Variants in ZFP82 observed in about 807,000 individuals in gnomAD.
ZFP82 encodes ZFP82 zinc finger protein.
A neutral mutation model predicts 54.0 loss-of-function variants in ZFP82; 30 were observed. The ratio of observed to expected loss-of-function variants is 0.56; its 90% CI spans 0.42 to 0.75. The LOEUF (loss-of-function observed/expected upper bound fraction) is 0.75, where lower values mean the gene tolerates loss of function less well. ZFP82 is among the 30% of genes least tolerant of loss of function. The probability of loss-of-function intolerance (pLI) is 0.00; values close to 1 mark genes in which losing one functional copy is unlikely to be tolerated. For missense variants in ZFP82, 500 were observed against 636.8 expected (o/e 0.79, Z 2.31); for synonymous variants, 194 against 209.5 (o/e 0.93, Z 0.64).
intron 4 of ZFP82, among the ~76,000 whole-genome samples, chr19:36,399,482 G>C (rs2032349041): frequency 6.6e-6 from 1 of 152,218 alleles, no homozygotes; most frequent in Non-Finnish European, 1.5e-5. Context: ...GGAGGCAACA[G>C]ACAAGAGGTT....
intron 4 of ZFP82, among the ~76,000 whole-genome samples, chr19:36,402,326 A>G (rs1050527452): frequency 7.2e-5 from 11 of 152,120 alleles, no homozygotes; most frequent in African/African-American, 2.4e-4. Flanking sequence ...AAAATTAGCC[A>G]GGCATGGTGG....
At position 36,393,985 on chromosome 19, in the gene ZFP82, T is replaced by C; in HGVS notation, c.355A>G (p.Asn119Asp). 1 of 1,613,586 alleles carries C rather than the reference T, an allele frequency of 6.2e-7. No homozygotes were observed. Among genetic ancestry groups the C allele is most frequent in the Non-Finnish European group, 8.5e-7 (1 of 1,179,816 alleles). The change falls in exon 5 of 5, where the codon AAT becomes GAT. Residue 119 changes from asparagine (N) to aspartate (D), a missense_variant. Asn to Asp is a conservative substitution (Grantham distance 23). Transcript: ENST00000392161. ...NHGLKGLILK[N>D]DWESTGKIEG... ...ATTTTTCCTGTGGATTCCCAATCAT[T>C]TTTTAAAATGAGACCCTTAAGGCCA...
At chr19:36,400,920 C>T (rs2032372886) in intron 4 of ZFP82, among the ~76,000 whole-genome samples, 1 of 152,172 alleles carries the variant, frequency 6.6e-6, no homozygotes, top group Non-Finnish European at 1.5e-5. Context: ...CATCCTGACT[C>T]CATTGAAAAT....
intron 4 of ZFP82, among the ~76,000 whole-genome samples, chr19:36,396,548 C>T (rs990887854): frequency 2.0e-5 from 3 of 151,868 alleles, no homozygotes; most frequent in African/African-American, 7.3e-5. Flanking sequence ...CCCAGCTACT[C>T]GGGAGGCTGA....
At chr19:36,412,448 A>G (rs1433245863) in intron 1 of ZFP82, among the ~76,000 whole-genome samples, 1 of 152,214 alleles carries the variant, frequency 6.6e-6, no homozygotes, top group East Asian at 1.9e-4. Flanking sequence ...AGCAGCTTCT[A>G]TGTTTTTACT....
At chr19:36,414,184 G>A (rs932079738) in intron 1 of ZFP82, among the ~76,000 whole-genome samples, 6 of 151,952 alleles carry the variant, frequency 3.9e-5, no homozygotes, top group African/African-American at 9.7e-5. Flanking sequence ...ACAGGCGTTA[G>A]CCACCACACT....
At chr19:36,407,866 C>T (rs375418084) in intron 3 of ZFP82, 21 bp downstream of exon 3, 2 of 1,610,708 alleles carry the variant, frequency 1.2e-6, no homozygotes, top group African/African-American at 1.3e-5. Context: ...AGTCTAAATT[C>T]CTAGAAGCAG....
At chr19:36,385,342 C>G (rs898991441), downstream of ZFP82, among the ~76,000 whole-genome samples, 7 of 152,124 alleles carry the variant, frequency 4.6e-5, no homozygotes, top group Non-Finnish European at 8.8e-5. Context: ...AACCATGAGT[C>G]AATAAATTTC....
chr19:36,409,941 C>CT, intron 1 of ZFP82, 74 bp from the exon 2 acceptor site: 1 of 732,496 alleles, frequency 1.4e-6, no homozygotes, highest in South Asian at 1.7e-5. Context: ...TTACTGTGAC[C>CT]TTTCCCCTCT....
At chr19:36,401,526 C>G (rs2032384498) in intron 4 of ZFP82, among the ~76,000 whole-genome samples, 1 of 152,172 alleles carries the variant, frequency 6.6e-6, no homozygotes, top group Non-Finnish European at 1.5e-5. Context: ...TTTGACAGCG[C>G]CTTCATACAC....
Position 36,409,629 on chromosome 19 carries a change from T to C in ZFP82, c.9+152A>G, listed in dbSNP as rs1343882669. On this transcript the variant is annotated intron_variant, in intron 2 of 4. Transcript: ENST00000392161. ...CAATGACTAGAATAAAGAGTGTTCA[T>C]AGGACAAGCATTGTGGTTCACCCGC... 3.3e-5 allele frequency: 25 copies of C among 750,292 alleles called. No individual in the cohort carries two copies. The East Asian group carries it at 5.7e-4, about 17-fold the overall frequency. 46.5% of individuals were successfully genotyped at this position (750,292 alleles called of 1,614,324 possible).
intron 3 of ZFP82, 29 bp from the exon 4 acceptor site, chr19:36,405,701 C>A: frequency 2.0e-6 from 3 of 1,496,432 alleles, no homozygotes; most frequent in Admixed American, 2.0e-5. Context: ...ATATAAGGTA[C>A]ATGAAAATAA....
At chr19:36,414,426 T>C in intron 1 of ZFP82, among the ~76,000 whole-genome samples, 1 of 148,234 alleles carries the variant, frequency 6.7e-6, no homozygotes, top group East Asian at 2.0e-4. Context: ...TGCAGTGGCA[T>C]GATCTCAGCT....
intron 4 of ZFP82, among the ~76,000 whole-genome samples, chr19:36,399,091 T>TA (rs1016734782): frequency 3.3e-5 from 5 of 152,032 alleles, no homozygotes; most frequent in African/African-American, 1.2e-4. Context: ...TAGCAGGATA[T>TA]AAAATAAAAA....
intron 1 of ZFP82, among the ~76,000 whole-genome samples, chr19:36,413,146 C>T (rs2032608003): frequency 1.3e-5 from 2 of 152,198 alleles, no homozygotes; most frequent in East Asian, 1.9e-4. Context: ...GGCATAGTGG[C>T]TCATGCCTGT....
rs928384933 is a variant in ZFP82, at chr19:36,390,420, C to T, written c.*2321G>A. On this transcript the variant is annotated 3_prime_UTR_variant, in exon 5 of 5. Coordinates refer to ENST00000392161, the MANE Select transcript of ZFP82 (RefSeq NM_133466.4). ...CCCAAATTGTGCATTTGGTTGTTTG[C>T]TTCTTTGTGTTGTTAATTTGTTCTT... is the stretch of plus-strand genomic sequence containing the variant. The T allele has an allele frequency of 7.3e-6, 1 of 137,098 alleles. No homozygotes were observed. Among genetic ancestry groups the T allele is most frequent in the Non-Finnish European group, 1.5e-5 (1 of 64,968 alleles). The allele number at this position is 137,098 out of a possible 1,614,324, so 8.5% of individuals were successfully genotyped here.
At position 36,393,111 on chromosome 19, in the gene ZFP82, A is replaced by G. The variant is rs755003099; in HGVS notation, c.1229T>C (p.Ile410Thr). ...WKAFSRYSQL[I>T]SHQSIHIGVK... Reference sequence around the variant, plus strand: ...ACCAATATGAATACTCTGATGTGAAATAAGTTGTGAGTAGCGACTAAAGGC... The same window carrying G: ...ACCAATATGAATACTCTGATGTGAAGTAAGTTGTGAGTAGCGACTAAAGGC... The change falls in exon 5 of 5, where the codon ATT becomes ACT. Residue 410 changes from isoleucine (I) to threonine (T), a missense_variant. Physicochemically the swap from Ile to Thr is moderately conservative, Grantham distance 89 (BLOSUM62 -1). Transcript: ENST00000392161. 2.5e-6 allele frequency: 4 copies of G among 1,610,230 alleles called. No homozygotes were observed. The highest frequency in any genetic ancestry group is 2.2e-5 in the East Asian group (1 of 44,644).
intron 3 of ZFP82, among the ~76,000 whole-genome samples, chr19:36,407,421 T>C (rs1020868026): frequency 1.3e-5 from 2 of 152,206 alleles, no homozygotes; most frequent in African/African-American, 2.4e-5. Context: ...CTGAATATGA[T>C]TGTTTATTAA....
rs150371532 is a variant in ZFP82 at position 36,405,676 on chromosome 19, C to T, written c.137-4G>A. The stretch of plus-strand genomic sequence containing the variant: ...TCTGGTTTAGAAATGAAGCATCCTG[C>T]TTAGAAGAAAAGGAATATAAGGTAC... On this transcript the variant is annotated splice_region_variant and splice_polypyrimidine_tract_variant and intron_variant, in intron 3 of 4. Coordinates refer to ENST00000392161, the MANE Select transcript of ZFP82 (RefSeq NM_133466.4). The T allele has an allele frequency of 0.019, 30,724 of 1,586,858 alleles. 516 individuals are homozygous for T. Among genetic ancestry groups the T allele is most frequent in the Middle Eastern group, 0.098 (578 of 5,880 alleles).
Sources: allele counts gnomAD v4.1 joint callset (sites outside exome capture counted in the v4.1 genomes callset), GRCh38; gene constraint gnomAD v4.1.1; transcripts MANE v1.5; gene names NCBI Gene and HGNC (gene_info 2026-07-23, HGNC 2026-07-21).